The following CDH18 variants were observed in gnomAD, a reference collection of about 807,000 sequenced individuals.
CDH18 encodes the protein cadherin-18.
CDH18 carries 31 observed loss-of-function variants against 67.9 expected under a neutral mutation model. The observed-to-expected ratio is 0.46, with a 90% CI of 0.34 to 0.62. CDH18 has a LOEUF of 0.62. Ranked by LOEUF, CDH18 falls within the 20% of genes least tolerant of loss-of-function variation. The pLI, the probability that CDH18 is intolerant of heterozygous loss-of-function variation, is 0.01. For synonymous variants in CDH18, 362 were observed against 347.2 expected (o/e 1.04, Z -0.48); for missense variants, 890 against 975.5 (o/e 0.91, Z 1.17).
rs142929911 is a variant in CDH18 at position 20,041,945 on chromosome 5, A to G, written c.-517-49931T>C. 1.8e-3 allele frequency among the ~76,000 whole-genome samples: 268 copies of G among 152,362 alleles called. 8 individuals carry two copies. The East Asian group carries it at 0.043, about 24-fold the overall frequency. On this transcript the variant is annotated intron_variant, in intron 2 of 14. Transcript: ENST00000507958. ...ACGTGTAATACCATATGCCTTTACT[A>G]TTTAAAAAGGAAAAATATATGCTTT... is the stretch of plus-strand genomic sequence containing the variant.
intron 2 of CDH18, among the ~76,000 whole-genome samples, chr5:20,153,664 A>G (rs1300521243): frequency 1.3e-5 from 2 of 152,184 alleles, no homozygotes; most frequent in Non-Finnish European, 2.9e-5. Flanking sequence ...TGGTTTCTAG[A>G]AAGGCTTCTC....
At chr5:20,452,134 A>C (rs1214628431) in intron 1 of CDH18, among the ~76,000 whole-genome samples, 3 of 152,188 alleles carry the variant, frequency 2.0e-5, no homozygotes, top group Non-Finnish European at 4.4e-5. Context: ...TATATTTCAC[A>C]GAGGTTGAGA....
chr5:20,529,253 T>C (rs1336662874), intron 1 of CDH18, among the ~76,000 whole-genome samples: 23 of 149,980 alleles, frequency 1.5e-4, no homozygotes, highest in Non-Finnish European at 2.2e-4. Flanking sequence ...TAGTAATAAA[T>C]AGCCTACCAA....
chr5:19,773,186 G>A (rs1047545243), intron 3 of CDH18, among the ~76,000 whole-genome samples: 1 of 152,002 alleles, frequency 6.6e-6, no homozygotes, highest in Non-Finnish European at 1.5e-5. Flanking sequence ...TACTATTTAG[G>A]ACTATACCAT....
intron 5 of CDH18, among the ~76,000 whole-genome samples, chr5:19,628,517 A>G (rs1330725747): frequency 6.6e-6 from 1 of 152,090 alleles, no homozygotes; most frequent in Non-Finnish European, 1.5e-5. Flanking sequence ...AGTCCTGGAT[A>G]TATGTTGACG....
intron 2 of CDH18, among the ~76,000 whole-genome samples, chr5:20,049,213 A>G (rs1029272720): frequency 1.3e-5 from 2 of 151,682 alleles, no homozygotes; most frequent in African/African-American, 2.4e-5. Context: ...ATTCTAGAAG[A>G]GCGTACTGGA....
intron 1 of CDH18, among the ~76,000 whole-genome samples, chr5:20,314,055 C>T (rs576705638): frequency 6.6e-6 from 1 of 152,050 alleles, no homozygotes; most frequent in Admixed American, 6.5e-5. Flanking sequence ...TATGCAAATC[C>T]TCTTAAAAAT....
At chr5:20,537,281 T>C (rs575695980) in intron 1 of CDH18, among the ~76,000 whole-genome samples, 1 of 152,278 alleles carries the variant, frequency 6.6e-6, no homozygotes, top group East Asian at 1.9e-4. Context: ...TATGCATTTA[T>C]ATTGAGTTGC....
At chr5:20,138,878 G>A (rs1749982663) in intron 2 of CDH18, among the ~76,000 whole-genome samples, 1 of 152,098 alleles carries the variant, frequency 6.6e-6, no homozygotes, top group African/African-American at 2.4e-5. Flanking sequence ...TCGTGAAAAT[G>A]GCCATACTGC....
At chr5:20,171,257 T>TG (rs1214775314) in intron 2 of CDH18, among the ~76,000 whole-genome samples, 2 of 152,130 alleles carry the variant, frequency 1.3e-5, no homozygotes, top group African/African-American at 4.8e-5. Context: ...CTGGGTTTAA[T>TG]GGTAGTTCTG....
intron 2 of CDH18, among the ~76,000 whole-genome samples, chr5:19,903,305 G>C (rs1205583194): frequency 6.6e-6 from 1 of 151,242 alleles, no homozygotes; most frequent in East Asian, 1.9e-4. Context: ...CACATTTTTA[G>C]CTTTAGAATT....
At chr5:19,973,365 T>TAA (rs1798207686) in intron 2 of CDH18, among the ~76,000 whole-genome samples, 1 of 152,124 alleles carries the variant, frequency 6.6e-6, no homozygotes, top group Non-Finnish European at 1.5e-5. Flanking sequence ...AGAGTGGTGG[T>TAA]TACCTGTGTA....
At chr5:20,476,790 T>C (rs1401031397) in intron 1 of CDH18, among the ~76,000 whole-genome samples, 1 of 152,196 alleles carries the variant, frequency 6.6e-6, no homozygotes, top group African/African-American at 2.4e-5. Context: ...AATTTTAATA[T>C]AGTACTGTCT....
At chr5:19,855,825 A>G (rs951456809) in intron 2 of CDH18, among the ~76,000 whole-genome samples, 2 of 152,182 alleles carry the variant, frequency 1.3e-5, no homozygotes, top group Admixed American at 6.6e-5. Flanking sequence ...AAGTTACTAT[A>G]TTTGGAAAGT....
intron 8 of CDH18, among the ~76,000 whole-genome samples, chr5:19,563,154 A>AT (rs1739753636): frequency 6.6e-6 from 1 of 152,166 alleles, no homozygotes; most frequent in South Asian, 2.1e-4. Context: ...ACTTTTGTAA[A>AT]TGTAGTCATT....
intron 2 of CDH18, among the ~76,000 whole-genome samples, chr5:20,129,357 C>T (rs950123360): frequency 6.6e-6 from 1 of 152,152 alleles, no homozygotes; most frequent in East Asian, 1.9e-4. Flanking sequence ...AGAAAACATA[C>T]ATTAATTTTA....
At chr5:20,182,541 G>A (rs36092525) in intron 2 of CDH18, among the ~76,000 whole-genome samples, 2 of 144,470 alleles carry the variant, frequency 1.4e-5, no homozygotes, top group Non-Finnish European at 3.0e-5. Flanking sequence ...GGCAGAGGTT[G>A]CAGTGAGCCA....
chr5:20,250,712 T>G (rs1416990978), intron 2 of CDH18, among the ~76,000 whole-genome samples: 3 of 146,438 alleles, frequency 2.0e-5, no homozygotes, highest in Non-Finnish European at 4.5e-5. Flanking sequence ...TCAAGAACGC[T>G]ATTTTACCTC....
At chr5:20,390,870 A>G (rs1005214737) in intron 1 of CDH18, among the ~76,000 whole-genome samples, 8 of 152,164 alleles carry the variant, frequency 5.3e-5, no homozygotes, top group Non-Finnish European at 1.2e-4. Flanking sequence ...CATCATTCTC[A>G]GCAAACTATC....
Sources: allele counts gnomAD v4.1 joint callset (sites outside exome capture counted in the v4.1 genomes callset), GRCh38; gene constraint gnomAD v4.1.1; transcripts MANE v1.5; gene names NCBI Gene and HGNC (gene_info 2026-07-23, HGNC 2026-07-21).